The following ZNF713 variants were observed in gnomAD, a reference collection of about 807,000 sequenced individuals.
The protein encoded by ZNF713 is zinc finger protein 713.
ZNF713 carries 21 observed loss-of-function variants against 28.7 expected under a neutral mutation model. The observed-to-expected ratio is 0.73, with a 90% confidence interval of 0.52 to 1.05. ZNF713 has a LOEUF of 1.05. Among genes scored for constraint, ZNF713 ranks in the 50% least tolerant of loss-of-function variants. The pLI, the probability that ZNF713 is intolerant of heterozygous loss-of-function variation, is 0.00. For missense variants in ZNF713, 458 were observed against 532.4 expected (o/e 0.86, Z 1.37); for synonymous variants, 167 against 178.0 (o/e 0.94, Z 0.49).
chr7:55,927,770 A>G (rs1430539395), intron 6 of ZNF713, among the ~76,000 whole-genome samples: 5 of 150,808 alleles, frequency 3.3e-5, no homozygotes, highest in Non-Finnish European at 7.4e-5. Flanking sequence ...GGTGGCGTGC[A>G]CCTGTAATCC....
chr7:55,931,052 G>A (rs1350032650), intron 6 of ZNF713, among the ~76,000 whole-genome samples: 2 of 152,112 alleles, frequency 1.3e-5, no homozygotes, highest in African/African-American at 2.4e-5. Context: ...CTTGGGAGAC[G>A]AGGTGGGTGG....
In ZNF713 at chr7:55,887,880, C is replaced by T. The variant is rs1310895379; in HGVS notation, c.-583+200C>T. Among the ~76,000 whole-genome samples, 67 of 13,998 alleles carry T rather than the reference C, an allele frequency of 4.8e-3. 14 individuals are homozygous for T. The highest frequency in any genetic ancestry group is 0.018 in the African/African-American group (39 of 2,150). The allele number at this position is 13,998 out of a possible 152,430, so 9.2% of individuals were successfully genotyped here. On this transcript the variant is annotated intron_variant, in intron 1 of 6. Coordinates refer to ENST00000429591, the MANE Select transcript of ZNF713 (RefSeq NM_182633.3). ...GGGCGGCGGGCGGCGGCGGCGGCGGCGGCGGCGGGCGGCGGCGGCGGCGGG... is the reference window on the plus strand; with the variant it reads ...GGGCGGCGGGCGGCGGCGGCGGCGGTGGCGGCGGGCGGCGGCGGCGGCGGG...
intron 6 of ZNF713, among the ~76,000 whole-genome samples, chr7:55,930,801 C>T (rs998525339): frequency 1.3e-5 from 2 of 151,992 alleles, no homozygotes. Flanking sequence ...TGGATTCTTT[C>T]ACCCTGCAAC....
chr7:55,907,659 G>T (rs1161405345), intron 2 of ZNF713, among the ~76,000 whole-genome samples: 1 of 152,008 alleles, frequency 6.6e-6, no homozygotes, highest in Admixed American at 6.6e-5. Flanking sequence ...CCCTCTGTAT[G>T]TCTACATGCA....
intron 6 of ZNF713, among the ~76,000 whole-genome samples, chr7:55,926,149 A>C (rs1364397895): frequency 1.3e-5 from 2 of 152,084 alleles, no homozygotes; most frequent in Non-Finnish European, 2.9e-5. Flanking sequence ...ATCTCTACTA[A>C]AAATACAAAA....
chr7:55,929,934 G>A (rs1326320869), intron 6 of ZNF713, among the ~76,000 whole-genome samples: 2 of 152,148 alleles, frequency 1.3e-5, no homozygotes, highest in African/African-American at 4.8e-5. Context: ...TCTGCTTGAT[G>A]TAAAATAAGT....
chr7:55,924,973 T>C (rs1428635357), intron 6 of ZNF713: 3 of 151,966 alleles, frequency 2.0e-5, no homozygotes, highest in Non-Finnish European at 4.4e-5. Flanking sequence ...CTTTATACTC[T>C]CTTCTTTAAA....
chr7:55,904,148 C>T lies in ZNF713; in HGVS notation c.-582-2105C>T, dbSNP rs1312991224. Among the ~76,000 whole-genome samples the T allele has an allele frequency of 1.1e-4, 9 of 82,056 alleles. 3 individuals carry two copies. Among genetic ancestry groups the T allele is most frequent in the African/African-American group, 3.0e-4 (7 of 23,252 alleles). 53.8% of individuals were successfully genotyped at this position (82,056 alleles called of 152,430 possible). On this transcript the variant is annotated intron_variant, in intron 1 of 6. Coordinates refer to ENST00000429591, the MANE Select transcript of ZNF713 (RefSeq NM_182633.3). ...CAAGAGTCACCAGTCACCAGTCACC[C>T]GTATCAGATACTGTCTTGGAAGAAG...
chr7:55,931,702 G>A (rs1466903418), intron 6 of ZNF713, among the ~76,000 whole-genome samples: 1 of 151,338 alleles, frequency 6.6e-6, no homozygotes, highest in Admixed American at 6.6e-5. Context: ...AAACAATGTA[G>A]TTCAAAAGCC....
At chr7:55,928,715 G>C (rs941036000) in intron 6 of ZNF713, among the ~76,000 whole-genome samples, 1 of 152,170 alleles carries the variant, frequency 6.6e-6, no homozygotes, top group Non-Finnish European at 1.5e-5. Context: ...ACTTCAACAA[G>C]AGATATGCAA....
At chr7:55,936,861 C>A (rs373825702) in intron 6 of ZNF713, among the ~76,000 whole-genome samples, 46 of 152,190 alleles carry the variant, frequency 3.0e-4, no homozygotes, top group African/African-American at 1.1e-3. Context: ...TAGCAAGAGC[C>A]TCCCAAAAGT....
intron 1 of ZNF713, among the ~76,000 whole-genome samples, chr7:55,899,356 CAAAAAAAAAAAAA>C (rs71015114): frequency 1.5e-5 from 1 of 68,932 alleles, no homozygotes; most frequent in East Asian, 4.3e-4. Flanking sequence ...GATTCCATCT[CAAAAAAAAAAAAA>C]AAAAAAAAAA....
chr7:55,929,994 G>A (rs1328835633), intron 6 of ZNF713, among the ~76,000 whole-genome samples: 1 of 152,002 alleles, frequency 6.6e-6, no homozygotes, highest in African/African-American at 2.4e-5. Context: ...CAAAAGAGCT[G>A]ATCATCCATG....
intron 6 of ZNF713, among the ~76,000 whole-genome samples, chr7:55,932,127 TA>T (rs1189451312): frequency 1.3e-5 from 2 of 152,366 alleles, no homozygotes; most frequent in East Asian, 3.9e-4. Flanking sequence ...CATATACTTT[TA>T]ATTTTTCCAT....
intron 4 of ZNF713, among the ~76,000 whole-genome samples, chr7:55,915,494 G>A (rs1785865508): frequency 6.6e-6 from 1 of 152,200 alleles, no homozygotes; most frequent in Admixed American, 6.5e-5. Flanking sequence ...AATTGCAAAA[G>A]AGATGTGTTT....
At chr7:55,891,369 A>G (rs994888383) in intron 1 of ZNF713, among the ~76,000 whole-genome samples, 1 of 151,980 alleles carries the variant, frequency 6.6e-6, no homozygotes, top group African/African-American at 2.4e-5. Context: ...CAAAAGTATA[A>G]TGTGACTTGC....
rs186656448 is a variant in ZNF713, at chr7:55,920,357, T to C, written c.88-2805T>C. Among the ~76,000 whole-genome samples the C allele has an allele frequency of 3.0e-3, 451 of 152,322 alleles. 2 individuals carry two copies. Among genetic ancestry groups the C allele is most frequent in the Admixed American group, 7.6e-3 (116 of 15,300 alleles). ...GAAAAGCTATTGAAGAAAATTAAAA[T>C]TGCTACTCCAGTGAACACATGAATG... On this transcript the variant is annotated intron_variant, in intron 4 of 6. Transcript: ENST00000429591.
chr7:55,892,198 A>G (rs1482574670), intron 1 of ZNF713, among the ~76,000 whole-genome samples: 1 of 149,672 alleles, frequency 6.7e-6, no homozygotes, highest in African/African-American at 2.5e-5. Context: ...GAATGGCGTG[A>G]ACCCGGGAGG....
At position 55,915,208 on chromosome 7, in the gene ZNF713, C is replaced by T. The variant is rs189055703; in HGVS notation, c.87+2485C>T. ...AGACATCTAGAAATAAGTGGCATGT[C>T]TGCTTTTCCACATTCTAGCCCAAGG... On this transcript the variant is annotated intron_variant, in intron 4 of 6. Coordinates refer to ENST00000429591, the MANE Select transcript of ZNF713 (RefSeq NM_182633.3). Among the ~76,000 whole-genome samples, 142 of 152,344 alleles carry T rather than the reference C, an allele frequency of 9.3e-4. 1 individual carries two copies. The Middle Eastern group carries it at 0.01, about 11-fold the overall frequency.
Sources: allele counts gnomAD v4.1 joint callset (sites outside exome capture counted in the v4.1 genomes callset), GRCh38; gene constraint gnomAD v4.1.1; transcripts MANE v1.5; gene names NCBI Gene and HGNC (gene_info 2026-07-23, HGNC 2026-07-21).